The following SYT16 variants were observed in gnomAD, a reference collection of about 807,000 sequenced individuals.
SYT16 encodes the protein synaptotagmin 16, also known as synaptotagmin-16.
SYT16 carries 42 observed loss-of-function variants against 61.4 expected under a neutral mutation model. That is an observed-to-expected ratio of 0.68 (90% CI 0.53 to 0.89). SYT16 has a LOEUF of 0.89. Ranked by LOEUF, SYT16 falls within the 40% of genes least tolerant of loss-of-function variation. The pLI is 0.00. For synonymous variants in SYT16, 314 were observed against 302.3 expected, an observed-to-expected ratio of 1.04 and a Z score of -0.40; for missense variants, 804 against 807.3, an observed-to-expected ratio of 1.00 and a Z score of 0.05.
At chr14:62,084,615 A>G (rs950444634) in intron 7 of SYT16, among the ~76,000 whole-genome samples, 1 of 152,182 alleles carries the variant, frequency 6.6e-6, no homozygotes, top group African/African-American at 2.4e-5. Context: ...GTGTGTCTAT[A>G]TTGTTTAAAG....
intron 7 of SYT16, 80 bp from the exon 8 acceptor site, chr14:62,100,314 A>T: frequency 8.0e-7 from 1 of 1,256,380 alleles, no homozygotes; most frequent in Non-Finnish European, 1.1e-6. Flanking sequence ...AGCCCATATA[A>T]ATGTTACAGC....
chr14:61,829,945 T>C (rs1428537643), intron 1 of SYT16, among the ~76,000 whole-genome samples: 3 of 152,222 alleles, frequency 2.0e-5, no homozygotes, highest in African/African-American at 7.2e-5. Context: ...TGAGCCACCA[T>C]GCCCGGCTTT....
chr14:61,911,407 G>C (rs1279831866), intron 1 of SYT16, among the ~76,000 whole-genome samples: 1 of 152,194 alleles, frequency 6.6e-6, no homozygotes, highest in Non-Finnish European at 1.5e-5. Flanking sequence ...CATTCTTACA[G>C]TTCTGGATTA....
At chr14:61,938,264 C>T (rs1403379678) in intron 1 of SYT16, among the ~76,000 whole-genome samples, 2 of 152,020 alleles carry the variant, frequency 1.3e-5, no homozygotes, top group Non-Finnish European at 2.9e-5. Context: ...TACCCAAAAC[C>T]CTGTGATAGA....
intron 2 of SYT16, among the ~76,000 whole-genome samples, chr14:61,971,081 G>T (rs1301215937): frequency 6.6e-6 from 1 of 151,974 alleles, no homozygotes; most frequent in Non-Finnish European, 1.5e-5. Context: ...GGTATCCTAC[G>T]TTCTTGATGT....
intron 1 of SYT16, among the ~76,000 whole-genome samples, chr14:61,822,551 C>G (rs1006341519): frequency 6.6e-6 from 1 of 152,206 alleles, no homozygotes; most frequent in Admixed American, 6.5e-5. Flanking sequence ...CTGCCTCCGT[C>G]AGAGAAGAAA....
intron 1 of SYT16, among the ~76,000 whole-genome samples, chr14:61,877,862 C>T (rs2047554252): frequency 6.6e-6 from 1 of 152,242 alleles, no homozygotes; most frequent in South Asian, 2.1e-4. Context: ...ATTATTTAGG[C>T]GTTAACTAGA....
intron 1 of SYT16, among the ~76,000 whole-genome samples, chr14:61,952,493 T>C (rs949415577): frequency 5.9e-5 from 9 of 152,246 alleles, no homozygotes; most frequent in African/African-American, 1.7e-4. Context: ...GCAAGTTTGC[T>C]GATAATTTTC....
intron 3 of SYT16, among the ~76,000 whole-genome samples, chr14:62,064,390 T>C (rs2055969236): frequency 6.9e-6 from 1 of 144,070 alleles, no homozygotes; most frequent in Non-Finnish European, 1.5e-5. Context: ...GAAAATGCTA[T>C]GGAAAAACCA....
intron 1 of SYT16, among the ~76,000 whole-genome samples, chr14:61,945,341 T>G (rs1437737350): frequency 2.6e-5 from 4 of 152,180 alleles, no homozygotes; most frequent in Non-Finnish European, 5.9e-5. Flanking sequence ...TCCTCAAGGA[T>G]CTAGAACCAG....
intron 1 of SYT16, among the ~76,000 whole-genome samples, chr14:61,956,847 A>G (rs1294581392): frequency 6.6e-6 from 1 of 151,560 alleles, no homozygotes; most frequent in Non-Finnish European, 1.5e-5. Flanking sequence ...AAAACATGCT[A>G]TTGTGATTTT....
At chr14:61,943,056 A>C (rs2050270823) in intron 1 of SYT16, among the ~76,000 whole-genome samples, 2 of 152,246 alleles carry the variant, frequency 1.3e-5, no homozygotes, top group African/African-American at 4.8e-5. Flanking sequence ...GGATATCACC[A>C]CTGATCCCAC....
intron 1 of SYT16, among the ~76,000 whole-genome samples, chr14:61,947,448 A>G (rs989484148): frequency 3.3e-5 from 5 of 152,118 alleles, no homozygotes; most frequent in Admixed American, 1.3e-4. Context: ...AAAGCATAGG[A>G]CAAGAGCAGC....
chr14:61,906,736 TCCATCCA>T (rs1352619293), intron 1 of SYT16, among the ~76,000 whole-genome samples: 6 of 119,938 alleles, frequency 5.0e-5, no homozygotes, highest in East Asian at 2.5e-4. Context: ...CATCCATCCA[TCCATCCA>T]TCCATCCTTC....
At chr14:61,875,464 A>T (rs973051972) in intron 1 of SYT16, among the ~76,000 whole-genome samples, 1 of 152,240 alleles carries the variant, frequency 6.6e-6, no homozygotes, top group African/African-American at 2.4e-5. Flanking sequence ...CTTCAAGGAT[A>T]TTATTGGTTT....
chr14:62,019,860 G>T (rs2053845435), intron 3 of SYT16, among the ~76,000 whole-genome samples: 1 of 152,188 alleles, frequency 6.6e-6, no homozygotes, highest in Admixed American at 6.5e-5. Flanking sequence ...TCATTTAAAA[G>T]CGCCTATCTG....
chr14:62,049,030 TTG>T (rs2055138885), intron 3 of SYT16, among the ~76,000 whole-genome samples: 2 of 152,178 alleles, frequency 1.3e-5, no homozygotes, highest in Non-Finnish European at 2.9e-5. Context: ...CTGGATATCC[TTG>T]TGAAATTTCT....
At position 62,046,043 on chromosome 14, in the gene SYT16, G is replaced by A. The variant is rs1285188687; in HGVS notation, c.524-23560G>A. Among the ~76,000 whole-genome samples the A allele has an allele frequency of 2.6e-5, 4 of 152,258 alleles. No homozygotes were observed. The South Asian group carries it at 6.2e-4, about 24-fold the overall frequency. On this transcript the variant is annotated intron_variant, in intron 3 of 7. Transcript: ENST00000683842. ...GAATCGCCACACTGACTTCCACAGGGTTGAACTAGTTTACAGTCCCACCAA... is the reference window on the plus strand; with the variant it reads ...GAATCGCCACACTGACTTCCACAGGATTGAACTAGTTTACAGTCCCACCAA...
intron 1 of SYT16, among the ~76,000 whole-genome samples, chr14:61,879,796 A>G (rs2047631932): frequency 6.6e-6 from 1 of 152,200 alleles, no homozygotes; most frequent in Non-Finnish European, 1.5e-5. Context: ...GTGCTCAGTG[A>G]TCTACAAATT....
Sources: allele counts gnomAD v4.1 joint callset (sites outside exome capture counted in the v4.1 genomes callset), GRCh38; gene constraint gnomAD v4.1.1; transcripts MANE v1.5; gene names NCBI Gene and HGNC (gene_info 2026-07-23, HGNC 2026-07-21).